Variants in ACYP2 observed in about 807,000 individuals in gnomAD.
ACYP2 encodes the protein acylphosphatase-2.
Under a neutral mutation model 11.2 loss-of-function variants are expected in ACYP2, and 12 were observed. The ratio of observed to expected loss-of-function variants is 1.08; its 90% CI spans 0.69 to 1.74. The LOEUF is 1.74. ACYP2 is among the 40% of genes most tolerant of loss of function. The pLI, the probability that ACYP2 is intolerant of heterozygous loss-of-function variation, is 0.00. For missense variants in ACYP2, 134 were observed against 101.9 expected (o/e 1.31, Z -1.35); for synonymous variants, 43 against 32.2 (o/e 1.33, Z -1.13).
chr2:54,192,943 C>G (rs1015636633), intron 6 of ACYP2, among the ~76,000 whole-genome samples: 1 of 152,172 alleles, frequency 6.6e-6, no homozygotes, highest in Non-Finnish European at 1.5e-5. Context: ...GTTACCTCCA[C>G]CTGGTCCTAC....
chr2:54,256,185 C>T, intron 6 of ACYP2: 2 of 1,580,712 alleles, frequency 1.3e-6, no homozygotes, highest in Non-Finnish European at 1.7e-6. Context: ...TGGGTAGAGG[C>T]CAGGCCAGAG....
chr2:54,015,457 G>A (rs185998047), intron 2 of ACYP2, among the ~76,000 whole-genome samples: 33 of 151,876 alleles, frequency 2.2e-4, no homozygotes, highest in African/African-American at 6.3e-4. Flanking sequence ...GCGGTGAGTC[G>A]AGATTGTGCC....
At chr2:54,066,039 T>A (rs1426862703) in intron 4 of ACYP2, 1 of 152,238 alleles carries the variant, frequency 6.6e-6, no homozygotes, top group Non-Finnish European at 1.5e-5. Flanking sequence ...AAATATGTAT[T>A]TATACACACA....
At chr2:54,156,477 T>C (rs564535638) in intron 6 of ACYP2, among the ~76,000 whole-genome samples, 1 of 152,194 alleles carries the variant, frequency 6.6e-6, no homozygotes, top group Admixed American at 6.5e-5. Context: ...TGTGTTCTTA[T>C]TATTCAGCTC....
At chr2:54,281,217 T>G (rs1688836690) in intron 6 of ACYP2, among the ~76,000 whole-genome samples, 1 of 152,242 alleles carries the variant, frequency 6.6e-6, no homozygotes, top group Non-Finnish European at 1.5e-5. Flanking sequence ...CAATTATGAT[T>G]AACTTTGTCA....
chr2:54,269,774 A>G (rs757089037), intron 6 of ACYP2, among the ~76,000 whole-genome samples: 8 of 152,206 alleles, frequency 5.3e-5, no homozygotes, highest in Non-Finnish European at 1.0e-4. Flanking sequence ...CCCTTGTTCC[A>G]CCTCAATTTT....
chr2:54,218,669 AGG>A (rs1558621298), intron 6 of ACYP2, among the ~76,000 whole-genome samples: 1 of 151,512 alleles, frequency 6.6e-6, no homozygotes, highest in Non-Finnish European at 1.5e-5. Context: ...AGAAGCCTAG[AGG>A]TAGTCAGTCT....
chr2:54,249,275 C>A (rs892594174), intron 6 of ACYP2, among the ~76,000 whole-genome samples: 1 of 151,970 alleles, frequency 6.6e-6, no homozygotes, highest in Non-Finnish European at 1.5e-5. Flanking sequence ...GGAAAGGGAA[C>A]AATTCTGGAA....
rs539332514 is a variant in ACYP2, at chr2:54,196,617, C to T, written c.404+57869C>T. Among the ~76,000 whole-genome samples the T allele has an allele frequency of 2.6e-5, 4 of 152,264 alleles. No individual in the cohort carries two copies. The East Asian group carries it at 7.7e-4, about 29-fold the overall frequency. On this transcript the variant is annotated intron_variant, in intron 6 of 6. Transcript: ENST00000607452. ...GGATTCTCAGCTTTGGTGCTATTGG[C>T]ATTTGGGGCTGGATAATTCTTTGTT...
intron 6 of ACYP2, among the ~76,000 whole-genome samples, chr2:54,237,602 G>C (rs1057165726): frequency 3.3e-5 from 5 of 152,090 alleles, no homozygotes; most frequent in African/African-American, 9.7e-5. Flanking sequence ...GGCTTCTCTT[G>C]ATTCTTTCAA....
chr2:54,235,149 T>C (rs1322314803), intron 6 of ACYP2, among the ~76,000 whole-genome samples: 1 of 152,190 alleles, frequency 6.6e-6, no homozygotes, highest in Non-Finnish European at 1.5e-5. Context: ...GGGGTGTAAG[T>C]TTTCTTTCTA....
At chr2:54,139,583 G>A (rs1375791335) in intron 6 of ACYP2, among the ~76,000 whole-genome samples, 3 of 152,194 alleles carry the variant, frequency 2.0e-5, no homozygotes, top group Admixed American at 2.0e-4. Flanking sequence ...TGGGCAATAT[G>A]CTAAGTACCT....
intron 6 of ACYP2, among the ~76,000 whole-genome samples, chr2:54,160,988 GA>G (rs1182812145): frequency 1.3e-5 from 2 of 152,134 alleles, no homozygotes; most frequent in African/African-American, 2.4e-5. Flanking sequence ...CTCAAAGTAG[GA>G]CCTTGGATCA....
chr2:54,034,798 C>T (rs977213694), intron 2 of ACYP2, among the ~76,000 whole-genome samples: 2 of 151,988 alleles, frequency 1.3e-5, no homozygotes, highest in Non-Finnish European at 2.9e-5. Flanking sequence ...ATCACGAGGT[C>T]AGGCATTCAA....
At chr2:54,174,377 A>G (rs1436013332) in intron 6 of ACYP2, among the ~76,000 whole-genome samples, 1 of 152,194 alleles carries the variant, frequency 6.6e-6, no homozygotes, top group East Asian at 1.9e-4. Flanking sequence ...TTGATTTTGT[A>G]TCCTGAGACT....
chr2:54,068,609 C>T (rs190960883), intron 4 of ACYP2, among the ~76,000 whole-genome samples: 8 of 152,200 alleles, frequency 5.3e-5, no homozygotes, highest in South Asian at 2.1e-4. Context: ...CCAGCCTGTT[C>T]GAATTTCTGT....
intron 6 of ACYP2, among the ~76,000 whole-genome samples, chr2:54,245,344 G>C (rs1186613540): frequency 6.6e-6 from 1 of 152,102 alleles, no homozygotes; most frequent in Non-Finnish European, 1.5e-5. Flanking sequence ...AATAAACATG[G>C]GGGTGCAGAT....
Position 54,099,566 on chromosome 2 carries a change from A to T in ACYP2, c.278-35887A>T, listed in dbSNP as rs1228597789. On this transcript the variant is annotated intron_variant, in intron 4 of 6. Coordinates refer to ENST00000607452, the MANE Select transcript of ACYP2 (RefSeq NM_001320586.2). ...TTCTGTGCCTGGCTTATTTTGTGCA[A>T]CACGATGTCCTCAGATTCATCCATG... 2.0e-5 allele frequency among the ~76,000 whole-genome samples: 3 copies of T among 152,204 alleles called. No homozygotes were observed. In the East Asian group the frequency reaches 5.8e-4, roughly 29 times the overall value.
chr2:54,256,255 C>A, intron 6 of ACYP2: 1 of 1,352,160 alleles, frequency 7.4e-7, no homozygotes, highest in Non-Finnish European at 1.0e-6. Flanking sequence ...CCATTTGCGC[C>A]GCCCACTCTT....
Sources: gnomAD v4.1 joint callset for allele counts (sites outside exome capture counted in the v4.1 genomes callset) on GRCh38, gnomAD v4.1.1 for gene constraint, MANE v1.5 for transcripts, NCBI Gene and HGNC (gene_info 2026-07-23, HGNC 2026-07-21) for gene names.